GBF1: variants seen among roughly 807,000 people sequenced by gnomAD.
GBF1 encodes Golgi-specific brefeldin A-resistance guanine nucleotide exchange factor 1.
In GBF1, 114 loss-of-function variants were observed where a neutral mutation model predicts 210.5. The ratio of observed to expected loss-of-function variants is 0.54; its 90% confidence interval spans 0.47 to 0.63. The LOEUF (loss-of-function observed/expected upper bound fraction) is 0.63, where lower values mean the gene tolerates loss of function less well. Among genes scored for constraint, GBF1 ranks in the 30% least tolerant of loss-of-function variants. The pLI is 0.00. For missense variants in GBF1, 1,851 were observed against 2,357.7 expected (o/e 0.79, Z 4.45); for synonymous variants, 850 against 889.2 (o/e 0.96, Z 0.78).
At chr10:102,254,719 C>T (rs2072084457) in intron 1 of GBF1, among the ~76,000 whole-genome samples, 1 of 152,006 alleles carries the variant, frequency 6.6e-6, no homozygotes, top group Non-Finnish European at 1.5e-5. Flanking sequence ...TAGTTGTTCC[C>T]TCTCTTATTT....
the GBF1 span, chr10:102,231,159 G>A: frequency 2.1e-6 from 3 of 1,442,836 alleles, no homozygotes; most frequent in Non-Finnish European, 9.1e-7. Context: ...CGGCTGAAGG[G>A]CGGGCCACCC....
chr10:102,314,479 A>G (rs1409881530), intron 3 of GBF1, among the ~76,000 whole-genome samples: 1 of 152,016 alleles, frequency 6.6e-6, no homozygotes, highest in Non-Finnish European at 1.5e-5. Flanking sequence ...TTTTCCTCCT[A>G]TACTTTCTTC....
At chr10:102,306,724 G>C (rs1363146850) in intron 3 of GBF1, among the ~76,000 whole-genome samples, 2 of 152,158 alleles carry the variant, frequency 1.3e-5, no homozygotes, top group Non-Finnish European at 2.9e-5. Flanking sequence ...GCACCCAGCC[G>C]GGGCTGTCTC....
the GBF1 span, chr10:102,231,528 G>T: frequency 2.6e-6 from 3 of 1,162,964 alleles, no homozygotes; most frequent in Non-Finnish European, 3.7e-6. Flanking sequence ...CTGGCCTCCG[G>T]GTCGCAGGCT....
chr10:102,314,222 T>C (rs1337164223), intron 3 of GBF1, among the ~76,000 whole-genome samples: 1 of 146,698 alleles, frequency 6.8e-6, no homozygotes, highest in Non-Finnish European at 1.5e-5. Context: ...AATGGCTCAC[T>C]GCAGCCTCAA....
Position 102,380,304 on chromosome 10 carries a change from G to A in GBF1, c.4934G>A (p.Trp1645Ter). ...LLSLSTFAALWLTILDFMDKY... is the reference protein window; with the variant it reads ...LLSLSTFAAL ...TCACTCTCTACCTTTGCGGCCCTCT[G>A]GCTCACCATCTTGGACTTCATGGAC... The change falls in exon 37 of 40, where the codon TGG becomes TAG. Residue 1645 changes from tryptophan (W) to a stop codon, truncating the protein, a stop_gained. Transcript: ENST00000369983. LOFTEE classifies it high-confidence loss of function. 1 of 1,614,056 alleles carries A rather than the reference G, an allele frequency of 6.2e-7. No individual in the cohort carries two copies. The highest frequency in any genetic ancestry group is 8.5e-7 in the Non-Finnish European group (1 of 1,179,974).
chr10:102,368,397 A>T lies in GBF1; in HGVS notation c.2822A>T (p.Tyr941Phe). ...GGCCCCACTATTGCTGCTCTCTCTT[A>T]TGTCTTTGACAAAAGCCTTGAGGAG... ...TWGPTIAALS[Y>F]VFDKSLEETI... The change falls in exon 22 of 40, where the codon TAT becomes TTT. Residue 941 changes from tyrosine to phenylalanine, a missense_variant. Transcript: ENST00000369983. 1 of 1,613,792 alleles carries T rather than the reference A, an allele frequency of 6.2e-7. No homozygotes were observed. Among genetic ancestry groups the T allele is most frequent in the Non-Finnish European group, 8.5e-7 (1 of 1,179,684 alleles).
chr10:102,232,499 A>C, the GBF1 span, among the ~76,000 whole-genome samples: 1 of 152,164 alleles, frequency 6.6e-6, no homozygotes, highest in Non-Finnish European at 1.5e-5. Flanking sequence ...CCTGGCCAAC[A>C]TGGTAAAATC....
the GBF1 span, chr10:102,230,647 G>C: frequency 6.2e-7 from 1 of 1,602,544 alleles, no homozygotes; most frequent in African/African-American, 1.3e-5. Context: ...CGAGTTACAC[G>C]GGTCCCGATA....
At chr10:102,257,095 A>G (rs1238930817) in intron 1 of GBF1, among the ~76,000 whole-genome samples, 1 of 152,170 alleles carries the variant, frequency 6.6e-6, no homozygotes, top group Non-Finnish European at 1.5e-5. Flanking sequence ...CTCTGATTGC[A>G]CCCTGTTTTC....
intron 30 of GBF1, 92 bp from the exon 31 acceptor site, chr10:102,376,180 G>T (rs1375879579): frequency 4.3e-6 from 4 of 935,154 alleles, no homozygotes; most frequent in Non-Finnish European, 6.7e-6. Flanking sequence ...GGGAGGCCAG[G>T]CCTCAGCATC....
chr10:102,280,549 A>G (rs1425548071), intron 3 of GBF1, among the ~76,000 whole-genome samples: 1 of 152,112 alleles, frequency 6.6e-6, no homozygotes, highest in Non-Finnish European at 1.5e-5. Context: ...TCCCATTTCA[A>G]TCTCTTCGTT....
At chr10:102,258,509 C>G (rs11191246) in intron 1 of GBF1, among the ~76,000 whole-genome samples, 1 of 149,294 alleles carries the variant, frequency 6.7e-6, no homozygotes, top group Non-Finnish European at 1.5e-5. Context: ...CAGTGGCTCA[C>G]GCCTGTAATC....
intron 3 of GBF1, among the ~76,000 whole-genome samples, chr10:102,326,097 C>T (rs2056874812): frequency 6.6e-6 from 1 of 152,184 alleles, no homozygotes; most frequent in African/African-American, 2.4e-5. Flanking sequence ...AGCTCTGGAA[C>T]TAAAGATCTG....
At chr10:102,344,726 C>T (rs1268636767) in intron 4 of GBF1, among the ~76,000 whole-genome samples, 1 of 152,006 alleles carries the variant, frequency 6.6e-6, no homozygotes, top group Non-Finnish European at 1.5e-5. Flanking sequence ...ATGATCTGCC[C>T]GCCTTGGCCT....
intron 3 of GBF1, among the ~76,000 whole-genome samples, 155 bp from the exon 4 acceptor site, chr10:102,343,896 A>G (rs1259982573): frequency 2.6e-5 from 4 of 152,110 alleles, no homozygotes; most frequent in Admixed American, 1.3e-4. Context: ...AGATAAAATG[A>G]TACAGTGTCT....
chr10:102,303,189 T>G (rs1158108161), intron 3 of GBF1, among the ~76,000 whole-genome samples: 1 of 152,128 alleles, frequency 6.6e-6, no homozygotes, highest in African/African-American at 2.4e-5. Flanking sequence ...GGTTTCACCA[T>G]GTTGGCCAGG....
intron 3 of GBF1, among the ~76,000 whole-genome samples, chr10:102,261,266 A>G (rs1364972392): frequency 6.6e-6 from 1 of 151,498 alleles, no homozygotes; most frequent in Non-Finnish European, 1.5e-5. Context: ...TGTTTATTTT[A>G]TGTATATATA....
At chr10:102,315,308 C>T (rs113965946) in intron 3 of GBF1, among the ~76,000 whole-genome samples, 2 of 152,202 alleles carry the variant, frequency 1.3e-5, no homozygotes, top group Admixed American at 6.5e-5. Flanking sequence ...GGCGAGCAAG[C>T]ATTACTGCCT....
Sources: gnomAD v4.1 joint callset for allele counts (sites outside exome capture counted in the v4.1 genomes callset) on GRCh38, gnomAD v4.1.1 for gene constraint, MANE v1.5 for transcripts, NCBI Gene and HGNC (gene_info 2026-07-23, HGNC 2026-07-21) for gene names.